SOX6: variants seen among roughly 807,000 people sequenced by gnomAD.
The protein encoded by SOX6 is transcription factor SOX-6.
SOX6 carries 11 observed loss-of-function variants against 97.8 expected under a neutral mutation model. The observed-to-expected ratio is 0.11, with a 90% CI of 0.07 to 0.19. SOX6 has a LOEUF of 0.19. SOX6 is among the 10% of genes least tolerant of loss of function. The probability of loss-of-function intolerance (pLI) is 1.00; values close to 1 mark genes in which losing one functional copy is unlikely to be tolerated. For missense variants in SOX6, 810 were observed against 1,039.5 expected, an observed-to-expected ratio of 0.78 and a Z score of 3.04; for synonymous variants, 360 against 371.4, an observed-to-expected ratio of 0.97 and a Z score of 0.35.
At chr11:16,572,110 T>C (rs1847945637) in intron 4 of SOX6, among the ~76,000 whole-genome samples, 2 of 152,038 alleles carry the variant, frequency 1.3e-5, no homozygotes, top group African/African-American at 4.8e-5. Flanking sequence ...CAGTATTATA[T>C]TGTTTAAAAT....
chr11:16,261,858 T>C (rs529042228), intron 3 of SOX6, among the ~76,000 whole-genome samples: 1 of 152,196 alleles, frequency 6.6e-6, no homozygotes, highest in African/African-American at 2.4e-5. Flanking sequence ...AAGCTGAAAG[T>C]ATGCTTTTGA....
chr11:16,388,966 C>T (rs1010202366), intron 1 of SOX6, among the ~76,000 whole-genome samples: 3 of 152,170 alleles, frequency 2.0e-5, no homozygotes, highest in African/African-American at 7.2e-5. Context: ...GCCCCAACAT[C>T]ATTCTCTTTT....
At chr11:16,426,906 T>C (rs1322983783) in intron 1 of SOX6, among the ~76,000 whole-genome samples, 2 of 81,856 alleles carry the variant, frequency 2.4e-5, no homozygotes, top group South Asian at 4.4e-4. Flanking sequence ...AGAGCGAGAC[T>C]CCGTCTCAAA....
At chr11:16,214,439 T>C (rs961989933) in intron 4 of SOX6, among the ~76,000 whole-genome samples, 1 of 152,176 alleles carries the variant, frequency 6.6e-6, no homozygotes, top group African/African-American at 2.4e-5. Context: ...TAACAGAGCT[T>C]ACTTTTTGAC....
At chr11:16,256,956 T>C (rs1295035844) in intron 3 of SOX6, among the ~76,000 whole-genome samples, 1 of 151,814 alleles carries the variant, frequency 6.6e-6, no homozygotes, top group African/African-American at 2.4e-5. Flanking sequence ...ACATTACCAT[T>C]CATATTATCA....
upstream of SOX6, among the ~76,000 whole-genome samples, chr11:16,356,661 G>GT (rs1857084726): frequency 6.6e-6 from 1 of 152,116 alleles, no homozygotes; most frequent in South Asian, 2.1e-4. Flanking sequence ...ATCAAGCATT[G>GT]TTGAAAGAAA....
intron 1 of SOX6, among the ~76,000 whole-genome samples, chr11:16,468,793 C>T (rs2133113569): frequency 6.6e-6 from 1 of 152,262 alleles, no homozygotes. Context: ...CACTTCAGTG[C>T]CAGACAAAAG....
chr11:16,046,300 G>A (rs1855828598), intron 12 of SOX6, among the ~76,000 whole-genome samples: 1 of 152,110 alleles, frequency 6.6e-6, no homozygotes, highest in African/African-American at 2.4e-5. Flanking sequence ...GGTAGGTTGG[G>A]AGGCAACTTA....
chr11:16,152,042 T>C (rs751002906), intron 6 of SOX6, among the ~76,000 whole-genome samples: 10 of 152,306 alleles, frequency 6.6e-5, no homozygotes, highest in Non-Finnish European at 1.0e-4. Context: ...TTTTTGTCTC[T>C]AATACTTAAC....
chr11:16,410,509 C>A (rs966583149), intron 1 of SOX6, among the ~76,000 whole-genome samples: 4 of 152,098 alleles, frequency 2.6e-5, no homozygotes, highest in Non-Finnish European at 5.9e-5. Context: ...ATAACACCAG[C>A]ACTTTGGGAG....
At chr11:16,536,144 A>C (rs1861304779) in intron 4 of SOX6, among the ~76,000 whole-genome samples, 1 of 152,184 alleles carries the variant, frequency 6.6e-6, no homozygotes, top group Non-Finnish European at 1.5e-5. Context: ...GCCAGACATA[A>C]GGTTTTCATT....
At chr11:16,369,396 C>CTA (rs1857445169) in intron 1 of SOX6, among the ~76,000 whole-genome samples, 1 of 152,030 alleles carries the variant, frequency 6.6e-6, no homozygotes, top group Non-Finnish European at 1.5e-5. Flanking sequence ...TCCTAACATA[C>CTA]TATATAATAT....
chr11:16,338,651 T>C (rs372871321), intron 2 of SOX6, among the ~76,000 whole-genome samples: 17 of 152,116 alleles, frequency 1.1e-4, no homozygotes, highest in South Asian at 1.0e-3. Flanking sequence ...TGGCTTCTAG[T>C]CATTCGGAAT....
At chr11:16,468,685 C>T (rs1420166763) in intron 1 of SOX6, among the ~76,000 whole-genome samples, 1 of 152,168 alleles carries the variant, frequency 6.6e-6, no homozygotes, top group Non-Finnish European at 1.5e-5. Flanking sequence ...TACAGTTTTA[C>T]TTCCATTTTC....
chr11:16,230,799 C>CTT (rs1852825075), intron 4 of SOX6, among the ~76,000 whole-genome samples: 2 of 151,326 alleles, frequency 1.3e-5, no homozygotes, highest in Non-Finnish European at 3.0e-5. Flanking sequence ...TTGAAGGATA[C>CTT]TAAAGTTACA....
chr11:16,737,415 C>G (rs562402688), intron 1 of SOX6, among the ~76,000 whole-genome samples: 1 of 151,980 alleles, frequency 6.6e-6, no homozygotes, highest in Admixed American at 6.6e-5. Context: ...CCATGTTGAT[C>G]AGGCTGGTCT....
Position 15,972,656 on chromosome 11 carries a change from G to T in SOX6, c.*153C>A. 1.3e-6 allele frequency: 1 copy of T among 791,468 alleles called. No homozygotes were observed. Among genetic ancestry groups the T allele is most frequent in the Non-Finnish European group, 2.0e-6 (1 of 500,732 alleles). The allele number at this position is 791,468 out of a possible 1,614,324, so 49.0% of individuals were successfully genotyped here. On this transcript the variant is annotated 3_prime_UTR_variant, in exon 16 of 16. Coordinates refer to ENST00000683767, the MANE Select transcript of SOX6 (RefSeq NM_001367873.1). ...AAACTCAAGTTCATGAAAAATCAGGGAAAACTTAATCTGTCTCACACTTTA... is the reference window on the plus strand; with the variant it reads ...AAACTCAAGTTCATGAAAAATCAGGTAAAACTTAATCTGTCTCACACTTTA...
At chr11:16,087,150 T>G (rs1215776988) in intron 9 of SOX6, among the ~76,000 whole-genome samples, 1 of 152,220 alleles carries the variant, frequency 6.6e-6, no homozygotes, top group East Asian at 1.9e-4. Flanking sequence ...ATGGGAATAA[T>G]ATTAAAACAT....
chr11:16,680,227 C>A (rs1847915907), intron 3 of SOX6, among the ~76,000 whole-genome samples: 1 of 152,174 alleles, frequency 6.6e-6, no homozygotes, highest in African/African-American at 2.4e-5. Flanking sequence ...GGGTTACCCA[C>A]AAAGGGAAGC....
Sources: allele counts gnomAD v4.1 joint callset (sites outside exome capture counted in the v4.1 genomes callset), GRCh38; gene constraint gnomAD v4.1.1; transcripts MANE v1.5; gene names NCBI Gene and HGNC (gene_info 2026-07-23, HGNC 2026-07-21).